Variants in CCDC157 observed in about 807,000 individuals in gnomAD.
CCDC157 encodes coiled-coil domain containing 157.
CCDC157 carries 60 observed loss-of-function variants against 70.9 expected under a neutral mutation model. The observed-to-expected ratio is 0.85, with a 90% confidence interval of 0.69 to 1.05. The LOEUF (loss-of-function observed/expected upper bound fraction) is 1.05. CCDC157 is among the 50% of genes least tolerant of loss of function. The probability of loss-of-function intolerance (pLI) is 0.00; values close to 1 mark genes in which losing one functional copy is unlikely to be tolerated. For synonymous variants in CCDC157, 373 were observed against 422.4 expected, an observed-to-expected ratio of 0.88 and a Z score of 1.43; for missense variants, 943 against 984.2, an observed-to-expected ratio of 0.96 and a Z score of 0.56.
At chr22:30,374,200 G>A in intron 9 of CCDC157, 109 bp downstream of exon 9, 1 of 1,370,056 alleles carries the variant, frequency 7.3e-7, no homozygotes, top group East Asian at 2.5e-5. Context: ...TGCAGCAAGG[G>A]TGTTAAAGCC....
At chr22:30,356,723 G>GAGGT, upstream of CCDC157, 2 of 1,489,984 alleles carry the variant, frequency 1.3e-6, no homozygotes, top group Non-Finnish European at 1.8e-6. Context: ...GGGCGGGGGA[G>GAGGT]AGGTACCTGT....
At chr22:30,376,024 CA>C (rs772545880) in intron 10 of CCDC157, 28,677 of 442,212 alleles carry the variant, frequency 0.065, no homozygotes, top group South Asian at 0.12. Context: ...CCCGTTTCTA[CA>C]AAAAAAAAAA....
intron 2 of CCDC157, among the ~76,000 whole-genome samples, chr22:30,365,295 A>G (rs772488153): frequency 1.4e-5 from 2 of 145,428 alleles, no homozygotes; most frequent in Admixed American, 1.4e-4. Context: ...CCTGGTGTGC[A>G]TGAGCTGCAA....
In CCDC157 at chr22:30,375,559, G is replaced by T; in HGVS notation, c.1753G>T (p.Val585Leu). 1 of 1,614,206 alleles carries T rather than the reference G, an allele frequency of 6.2e-7. No homozygotes were observed. Among genetic ancestry groups the T allele is most frequent in the East Asian group, 2.2e-5 (1 of 44,870 alleles). The change falls in exon 10 of 12, where the codon GTG becomes TTG. Residue 585 changes from valine to leucine, a missense_variant. By Grantham distance (32) the Val-to-Leu change is conservative. Transcript: ENST00000338306. ...GNVTDHMERQVQSNDIRIRVL... is the reference protein window; with the variant it reads ...GNVTDHMERQLQSNDIRIRVL... ...CGTCACAGATCACATGGAGAGGCAA[G>T]TGCAGTCCAACGACATCCGCATCCG...
intron 9 of CCDC157, 98 bp from the exon 10 acceptor site, chr22:30,375,381 C>T: frequency 9.0e-7 from 1 of 1,108,470 alleles, no homozygotes; most frequent in East Asian, 2.4e-5. Flanking sequence ...GGAAGATGAG[C>T]TAGGAGGCCT....
At chr22:30,367,034 G>A (rs1171784406) in intron 3 of CCDC157, 1 of 151,070 alleles carries the variant, frequency 6.6e-6, no homozygotes, top group South Asian at 2.1e-4. Flanking sequence ...CTCCAGCCTC[G>A]GTAATGGAGT....
chr22:30,366,910 T>C (rs1932761596), intron 3 of CCDC157: 1 of 152,590 alleles, frequency 6.6e-6, no homozygotes, highest in South Asian at 2.1e-4. Flanking sequence ...ATACAAAAAT[T>C]AGCTTGGTGT....
chr22:30,369,497 C>G lies in CCDC157; in HGVS notation c.314C>G (p.Pro105Arg), dbSNP rs149198377. Residue 105 changes from proline (P) to arginine (R), a missense_variant, in exon 4 of 12, where the codon CCC becomes CGC. By Grantham distance (103) the Pro-to-Arg change is moderately radical (BLOSUM62 -2). Transcript: ENST00000338306. ...LENLGSEQMM[P>R]PAQAAGPCMS... ...AACCTTGGCTCAGAGCAGATGATGCCCCCTGCACAGGCTGCGGGGCCCTGC... is the reference window on the plus strand; with the variant it reads ...AACCTTGGCTCAGAGCAGATGATGCGCCCTGCACAGGCTGCGGGGCCCTGC... The G allele has an allele frequency of 1.1e-4, 179 of 1,604,172 alleles. No homozygotes were observed. Among genetic ancestry groups the G allele is most frequent in the Non-Finnish European group, 1.5e-4 (176 of 1,174,626 alleles).
rs569881370 is a variant in CCDC157, at chr22:30,375,855, A to T, written c.1857+192A>T. On this transcript the variant is annotated intron_variant, in intron 10 of 11. Coordinates refer to ENST00000338306, the MANE Select transcript of CCDC157 (RefSeq NM_001017437.5). The stretch of plus-strand genomic sequence containing the variant: ...TATGGATCCGATGCCTTCCAGTCCC[A>T]TATGCCCTCTATAGCTGTCATTCCT... The T allele has an allele frequency of 1.2e-5, 7 of 605,174 alleles. No individual in the cohort carries two copies. The South Asian group carries it at 1.5e-4, about 13-fold the overall frequency. 37.5% of individuals were successfully genotyped at this position (605,174 alleles called of 1,614,324 possible). A position where few individuals can be genotyped will look rare whatever the true frequency, so the allele number is the denominator to read the frequency against.
At chr22:30,358,380 G>T (rs1569180301) in intron 1 of CCDC157, among the ~76,000 whole-genome samples, 1 of 152,224 alleles carries the variant, frequency 6.6e-6, no homozygotes, top group Non-Finnish European at 1.5e-5. Flanking sequence ...GTGAAGTTTG[G>T]AGTTGGTAGA....
Position 30,360,402 on chromosome 22 carries a change from G to A in CCDC157, c.-165-1559G>A, listed in dbSNP as rs13056700. 5.5e-4 allele frequency among the ~76,000 whole-genome samples: 84 copies of A among 152,038 alleles called. 2 individuals are homozygous for A. In the South Asian group the frequency reaches 0.016, roughly 30 times the overall value. ...CGCCTGTAGTCCCAGCTACTCTGGA[G>A]GCTGAGGCAGGAGAATGGCGTGAAC... is the stretch of plus-strand genomic sequence containing the variant. On this transcript the variant is annotated intron_variant, in intron 1 of 11. Transcript: ENST00000338306.
chr22:30,366,472 C>A, intron 3 of CCDC157: 1 of 603,274 alleles, frequency 1.7e-6, no homozygotes, highest in Non-Finnish European at 3.0e-6. Flanking sequence ...CTCTCCTAGC[C>A]TGTCCACCTC....
rs144439139 is a variant in CCDC157 at position 30,372,083 on chromosome 22, G to T, written c.1132G>T (p.Ala378Ser). ...TCCACTTAATGCTGCAGAGGCAAAGGCCCAGCAGCTGCAGGAGGAAGGTGA... is the reference window on the plus strand; with the variant it reads ...TCCACTTAATGCTGCAGAGGCAAAGTCCCAGCAGCTGCAGGAGGAAGGTGA... ...RESTQAVEAK[A>S]QQLQEEGERR... Residue 378 changes from alanine to serine, a missense_variant, in exon 7 of 12, where the codon GCC (alanine) becomes TCC (serine). Transcript: ENST00000338306. 1,315 of 1,540,710 alleles carry T rather than the reference G, an allele frequency of 8.5e-4. No homozygotes were observed. The highest frequency in any genetic ancestry group is 1.1e-3 in the Non-Finnish European group (1,242 of 1,138,606).
rs375975371 is a variant in CCDC157 at position 30,366,249 on chromosome 22, G to A, written c.248+1G>A. 25 of 1,613,634 alleles carry A rather than the reference G, an allele frequency of 1.5e-5. No individual in the cohort carries two copies. Among genetic ancestry groups the A allele is most frequent in the Non-Finnish European group, 2.1e-5 (25 of 1,179,990 alleles). On this transcript the variant is annotated splice_donor_variant, in intron 3 of 11. Coordinates refer to ENST00000338306, the MANE Select transcript of CCDC157 (RefSeq NM_001017437.5). LOFTEE classifies it high-confidence loss of function. ...TGCTGCTGGAGCTGGTCATCGACAG[G>A]TGAGGGCCTTGACCAAGCCTGGTCA...
chr22:30,372,262 C>G lies in CCDC157; in HGVS notation c.1311C>G (p.Val437=), dbSNP rs757047865. The G allele has an allele frequency of 1.9e-6, 3 of 1,583,240 alleles. No homozygotes were observed. The highest frequency in any genetic ancestry group is 3.5e-5 in the Admixed American group (2 of 56,968). ...AGCTGGATAAGGAGAAGGCCCGTGTCGACAGCATGGTCCGCCACCAGGAGG... is the reference window on the plus strand; with the variant it reads ...AGCTGGATAAGGAGAAGGCCCGTGTGGACAGCATGGTCCGCCACCAGGAGG... ...STELDKEKAR[V]DSMVRHQESL... is the part of the protein sequence containing the mutation. Residue 437 remains valine, a synonymous_variant, in exon 7 of 12, where the codon GTC becomes GTG. Coordinates refer to ENST00000338306, the MANE Select transcript of CCDC157 (RefSeq NM_001017437.5).
rs1044427705 is a variant in CCDC157 at position 30,378,222 on chromosome 22, A to C, written c.*1477A>C. 1 of 468,468 alleles carries C rather than the reference A, an allele frequency of 2.1e-6. No homozygotes were observed. Among genetic ancestry groups the C allele is most frequent in the Non-Finnish European group, 4.4e-6 (1 of 225,402 alleles). The allele number at this position is 468,468 out of a possible 1,614,324, so 29.0% of individuals were successfully genotyped here. On this transcript the variant is annotated 3_prime_UTR_variant, in exon 12 of 12. Coordinates refer to ENST00000338306, the MANE Select transcript of CCDC157 (RefSeq NM_001017437.5). ...ATCCCTGACTTCCTCCTCTTCTACC[A>C]GCAGAAAACTACTTTGAATAGGCTC... is the stretch of plus-strand genomic sequence containing the variant.
In CCDC157 at chr22:30,372,171, C is replaced by T. The variant is rs371254570; in HGVS notation, c.1220C>T (p.Ala407Val). The part of the protein sequence containing the change: ...QLEEQVQQLE[A>V]QVQLLVGRLE... The stretch of plus-strand genomic sequence containing the variant: ...GAGGAGCAGGTGCAGCAGTTGGAGG[C>T]GCAGGTGCAGCTGTTGGTGGGTCGG... Residue 407 changes from alanine to valine, a missense_variant, in exon 7 of 12, where the codon GCG (alanine) becomes GTG (valine). By Grantham distance (64) the Ala-to-Val change is moderately conservative (BLOSUM62 0). Coordinates refer to ENST00000338306, the MANE Select transcript of CCDC157 (RefSeq NM_001017437.5). 5.1e-5 allele frequency: 81 copies of T among 1,574,978 alleles called. No individual in the cohort carries two copies. Among genetic ancestry groups the T allele is most frequent in the Admixed American group, 1.9e-4 (10 of 52,688 alleles).
chr22:30,366,096 C>G lies in CCDC157; in HGVS notation c.96C>G (p.Ala32=). Residue 32 remains alanine (A), a synonymous_variant, in exon 3 of 12, where the codon GCC becomes GCG. Transcript: ENST00000338306. ...CCATCGTAGACGTCTTCTCCCGCGC[C>G]GGGCCTGTGCGCTTCCCCTCCTGGA... The part of the protein sequence containing the change: ...QGAIVDVFSR[A]GPVRFPSWKF... The G allele has an allele frequency of 6.2e-7, 1 of 1,612,352 alleles. No homozygotes were observed. The highest frequency in any genetic ancestry group is 2.2e-5 in the East Asian group (1 of 44,876).
intron 3 of CCDC157, 69 bp downstream of exon 3, chr22:30,366,317 C>T (rs1015097917): frequency 1.9e-5 from 31 of 1,592,858 alleles, no homozygotes; most frequent in South Asian, 1.2e-4. Context: ...GTGGCAGCTA[C>T]GGAAGCCCCT....
Sources: allele counts gnomAD v4.1 joint callset (sites outside exome capture counted in the v4.1 genomes callset), GRCh38; gene constraint gnomAD v4.1.1; transcripts MANE v1.5; gene names NCBI Gene and HGNC (gene_info 2026-07-23, HGNC 2026-07-21).